The following LAMC1 variants were observed in gnomAD, a reference collection of about 807,000 sequenced individuals.
LAMC1 encodes the protein laminin subunit gamma-1.
In LAMC1, 38 loss-of-function variants were observed where a neutral mutation model predicts 173.6. That is an observed-to-expected ratio of 0.22 (90% CI 0.17 to 0.29). The LOEUF is 0.29. Among genes scored for constraint, LAMC1 ranks in the 10% least tolerant of loss-of-function variants. LAMC1 has a pLI of 1.00. For missense variants in LAMC1, 1,824 were observed against 2,051.8 expected (o/e 0.89, Z 2.14); for synonymous variants, 746 against 749.1 (o/e 1.00, Z 0.07).
At chr1:183,135,258 CCTA>C in intron 24 of LAMC1, 102 bp downstream of exon 24, 1 of 706,914 alleles carries the variant, frequency 1.4e-6, no homozygotes, top group South Asian at 1.8e-5. Flanking sequence ...TCCCCAACTC[CCTA>C]CTTTTTTTAT....
At chr1:183,093,138 CCT>C (rs1042890217) in intron 1 of LAMC1, among the ~76,000 whole-genome samples, 7 of 152,076 alleles carry the variant, frequency 4.6e-5, no homozygotes, top group Admixed American at 1.3e-4. Flanking sequence ...AGGGCTCTCC[CCT>C]GTCTCTAACA....
chr1:183,098,963 T>G (rs1269940212), intron 1 of LAMC1, among the ~76,000 whole-genome samples: 1 of 152,144 alleles, frequency 6.6e-6, no homozygotes, highest in Non-Finnish European at 1.5e-5. Flanking sequence ...AAAAGAAAAG[T>G]CTTTCCTTGG....
chr1:183,070,017 C>G (rs1389269231), intron 1 of LAMC1, among the ~76,000 whole-genome samples: 2 of 152,152 alleles, frequency 1.3e-5, no homozygotes, highest in African/African-American at 2.4e-5. Flanking sequence ...GGCACACAGT[C>G]TCTTCATAAA....
At position 183,137,680 on chromosome 1, in the gene LAMC1, C is replaced by T. The variant is rs1318290728; in HGVS notation, c.4326C>T (p.Ser1442=). The T allele has an allele frequency of 6.3e-7, 1 of 1,592,204 alleles. No individual in the cohort carries two copies. The highest frequency in any genetic ancestry group is 8.5e-7 in the Non-Finnish European group (1 of 1,169,958). ...IASAVQKNAT[S]TKAEAERTFA... ...TCTTTTGTGCCTAGAATGCCACCAG[C>T]ACCAAGGCAGAAGCTGAAAGAACTT... The change falls in exon 26 of 28, where the codon AGC becomes AGT. Residue 1442 remains serine (S), a synonymous_variant. Transcript: ENST00000258341.
At chr1:183,084,074 G>T (rs756983124) in intron 1 of LAMC1, among the ~76,000 whole-genome samples, 1 of 152,290 alleles carries the variant, frequency 6.6e-6, no homozygotes, top group African/African-American at 2.4e-5. Flanking sequence ...CATATTATTG[G>T]CTGGGCGCTG....
intron 15 of LAMC1, 91 bp from the exon 16 acceptor site, chr1:183,126,029 C>A (rs562144471): frequency 7.1e-5 from 87 of 1,227,128 alleles, no homozygotes; most frequent in Non-Finnish European, 9.7e-5. Flanking sequence ...ATACAAGTTA[C>A]AAATTACATC....
intron 1 of LAMC1, among the ~76,000 whole-genome samples, chr1:183,035,516 G>A (rs1653957649): frequency 6.6e-6 from 1 of 152,090 alleles, no homozygotes; most frequent in African/African-American, 2.4e-5. Context: ...AGAATTTTAG[G>A]TTTTGGGCAT....
At chr1:183,103,699 G>A (rs1012787128) in intron 2 of LAMC1, 67 bp downstream of exon 2, 5 of 1,403,104 alleles carry the variant, frequency 3.6e-6, no homozygotes, top group Non-Finnish European at 3.9e-6. Context: ...GAAGATTATT[G>A]TAGTGGGGCT....
intron 1 of LAMC1, among the ~76,000 whole-genome samples, chr1:183,041,605 A>G (rs902287334): frequency 6.6e-6 from 1 of 152,200 alleles, no homozygotes; most frequent in Admixed American, 6.5e-5. Context: ...ACGAATCCAT[A>G]GATTTCTTAA....
At chr1:183,043,236 C>T (rs1337032964) in intron 1 of LAMC1, among the ~76,000 whole-genome samples, 2 of 152,062 alleles carry the variant, frequency 1.3e-5, no homozygotes, top group African/African-American at 2.4e-5. Flanking sequence ...GCAGGACCCC[C>T]ATCTCCAAGC....
chr1:183,122,087 C>T lies in LAMC1; in HGVS notation c.2237C>T (p.Thr746Met), dbSNP rs397515472. The T allele has an allele frequency of 2.0e-4, 325 of 1,613,908 alleles. 5 individuals carry two copies. In the South Asian group the frequency reaches 3.2e-3, roughly 16 times the overall value. Reference sequence around the variant, plus strand: ...GGTGTTTGTAACTGCAGAGACAATACGGCTGGCCCGCACTGTGAGAAGTGC... The same window carrying T: ...GGTGTTTGTAACTGCAGAGACAATATGGCTGGCCCGCACTGTGAGAAGTGC... Reference protein sequence around the residue: ...ETGVCNCRDNTAGPHCEKCSD... With the variant: ...ETGVCNCRDNMAGPHCEKCSD... Residue 746 changes from threonine (T) to methionine (M), a missense_variant, in exon 13 of 28, where the codon ACG becomes ATG. Physicochemically the swap from Thr to Met is moderately conservative, Grantham distance 81 (BLOSUM62 -1). Transcript: ENST00000258341.
intron 16 of LAMC1, among the ~76,000 whole-genome samples, chr1:183,126,688 G>A (rs1009366877): frequency 5.9e-5 from 9 of 152,140 alleles, no homozygotes; most frequent in Non-Finnish European, 8.8e-5. Flanking sequence ...GTATGATTAC[G>A]TGTAAACATC....
chr1:183,118,348 A>G (rs1255868387), intron 11 of LAMC1, among the ~76,000 whole-genome samples: 1 of 152,200 alleles, frequency 6.6e-6, no homozygotes, highest in African/African-American at 2.4e-5. Flanking sequence ...AAATTAGTAA[A>G]TAGTATTATT....
intron 1 of LAMC1, among the ~76,000 whole-genome samples, chr1:183,082,623 A>C (rs1655308313): frequency 6.6e-6 from 1 of 152,230 alleles, no homozygotes; most frequent in Non-Finnish European, 1.5e-5. Context: ...TGTGTCTTAC[A>C]TTTTAGAATC....
intron 18 of LAMC1, 37 bp from the exon 19 acceptor site, chr1:183,130,307 A>G: frequency 1.3e-6 from 2 of 1,532,436 alleles, no homozygotes; most frequent in Non-Finnish European, 1.8e-6. Context: ...GATCCTCTTC[A>G]GATAATTTAC....
At position 183,128,744 on chromosome 1, in the gene LAMC1, G is replaced by A; in HGVS notation, c.3274G>A (p.Val1092Ile). 2.5e-6 allele frequency: 4 copies of A among 1,612,484 alleles called. No individual in the cohort carries two copies. The highest frequency in any genetic ancestry group is 2.5e-6 in the Non-Finnish European group (3 of 1,178,954). The part of the protein sequence containing the change: ...VMDLLREAQD[V>I]KDVDQNLMDR... ...GGACCTCCTTCGTGAGGCCCAGGAT[G>A]TCAAAGGTACGCATGATTGAACAGT... The change falls in exon 18 of 28, where the codon GTC (valine) becomes ATC (isoleucine). Residue 1092 changes from valine to isoleucine, a missense_variant. Transcript: ENST00000258341.
At chr1:183,106,903 G>A (rs1655991019) in intron 2 of LAMC1, among the ~76,000 whole-genome samples, 1 of 152,086 alleles carries the variant, frequency 6.6e-6, no homozygotes, top group Admixed American at 6.5e-5. Context: ...CACATTTGTT[G>A]ATGTACCCTC....
Position 183,121,299 on chromosome 1 carries a change from G to A in LAMC1, c.1991-424G>A, listed in dbSNP as rs777023057. ...AAATTAGCCGGGCATGGTGGCATGC[G>A]CCTGTAATCCCAGCTGCTTGGGAGG... On this transcript the variant is annotated intron_variant, in intron 11 of 27. Transcript: ENST00000258341. Among the ~76,000 whole-genome samples, 145 of 152,114 alleles carry A rather than the reference G, an allele frequency of 9.5e-4. No homozygotes were observed. In the Middle Eastern group the frequency reaches 0.044, roughly 46 times the overall value.
At chr1:183,055,328 A>T (rs923858302) in intron 1 of LAMC1, among the ~76,000 whole-genome samples, 2 of 151,960 alleles carry the variant, frequency 1.3e-5, no homozygotes, top group Admixed American at 6.6e-5. Flanking sequence ...AGTGTGTGAA[A>T]TGTGGCGATA....
Sources: allele counts gnomAD v4.1 joint callset (sites outside exome capture counted in the v4.1 genomes callset), GRCh38; gene constraint gnomAD v4.1.1; transcripts MANE v1.5; gene names NCBI Gene and HGNC (gene_info 2026-07-23, HGNC 2026-07-21).